The following MIR2052HG variants were observed in gnomAD, a reference collection of about 807,000 sequenced individuals.
The protein encoded by MIR2052HG is MIR2052 host gene.
chr8:74,673,018 A>T (rs1303641915), intron 2 of MIR2052HG, among the ~76,000 whole-genome samples: 1 of 152,106 alleles, frequency 6.6e-6, no homozygotes, highest in Non-Finnish European at 1.5e-5. Context: ...TGCAAGATGA[A>T]TGAGACCTTC....
At chr8:74,623,570 A>T (rs1428966300) in intron 2 of MIR2052HG, among the ~76,000 whole-genome samples, 1 of 152,240 alleles carries the variant, frequency 6.6e-6, no homozygotes, top group Non-Finnish European at 1.5e-5. Flanking sequence ...TCATTATTAA[A>T]AAGGTCTTTT....
intron 2 of MIR2052HG, among the ~76,000 whole-genome samples, chr8:74,701,787 A>G (rs1290096319): frequency 1.3e-5 from 2 of 152,150 alleles, no homozygotes; most frequent in East Asian, 1.9e-4. Flanking sequence ...GCTTGGCACC[A>G]GAAAGTCAAT....
chr8:74,692,801 G>A (rs1809252474), intron 2 of MIR2052HG, among the ~76,000 whole-genome samples: 1 of 152,158 alleles, frequency 6.6e-6, no homozygotes, highest in African/African-American at 2.4e-5. Context: ...ATGCTTTTCT[G>A]CCCATATTTC....
chr8:74,605,305 G>A (rs1379427156), intron 1 of MIR2052HG, among the ~76,000 whole-genome samples: 2 of 152,192 alleles, frequency 1.3e-5, no homozygotes, highest in African/African-American at 4.8e-5. Flanking sequence ...GAGGAACTTT[G>A]TAATCTGACT....
At chr8:74,636,722 A>G (rs1808585586) in intron 2 of MIR2052HG, among the ~76,000 whole-genome samples, 1 of 152,126 alleles carries the variant, frequency 6.6e-6, no homozygotes, top group Non-Finnish European at 1.5e-5. Flanking sequence ...GCACACTGAG[A>G]GCAGCACATT....
intron 2 of MIR2052HG, among the ~76,000 whole-genome samples, chr8:74,698,779 T>TG (rs1328332779): frequency 1.3e-5 from 2 of 151,962 alleles, no homozygotes; most frequent in Admixed American, 1.3e-4. Flanking sequence ...CAGTGCCTCT[T>TG]AGGGGGTGGG....
intron 2 of MIR2052HG, among the ~76,000 whole-genome samples, chr8:74,630,528 G>GA (rs200428495): frequency 0.044 from 5,519 of 125,998 alleles, 377 homozygotes; most frequent in African/African-American, 0.14. Flanking sequence ...AGATTTCTCT[G>GA]AAAAAAAAAA....
intron 2 of MIR2052HG, among the ~76,000 whole-genome samples, chr8:74,656,788 A>G (rs1464794561): frequency 6.6e-6 from 1 of 152,182 alleles, no homozygotes; most frequent in Non-Finnish European, 1.5e-5. Flanking sequence ...GAGGGAGAAT[A>G]TATAAGCAAA....
intron 5 of MIR2052HG, among the ~76,000 whole-genome samples, chr8:74,755,874 T>G (rs546896894): frequency 6.6e-6 from 1 of 152,268 alleles, no homozygotes; most frequent in East Asian, 1.9e-4. Flanking sequence ...TGGGTACTGA[T>G]CTGAGCCCCT....
chr8:74,608,381 A>G (rs991356591), intron 1 of MIR2052HG, among the ~76,000 whole-genome samples: 2 of 152,240 alleles, frequency 1.3e-5, no homozygotes, highest in Admixed American at 1.3e-4. Flanking sequence ...TTCTTTAACA[A>G]CTGGGTTACT....
At chr8:74,662,858 TTGTGTGTGTGTGTG>T (rs68089808) in intron 2 of MIR2052HG, among the ~76,000 whole-genome samples, 5 of 144,198 alleles carry the variant, frequency 3.5e-5, no homozygotes, top group African/African-American at 1.0e-4. Flanking sequence ...AATGACTCAT[TTGTGTGTGTGTGTG>T]TGTGTGTGTG....
intron 2 of MIR2052HG, among the ~76,000 whole-genome samples, chr8:74,618,144 A>C (rs567974924): frequency 1.3e-5 from 2 of 152,332 alleles, no homozygotes; most frequent in South Asian, 4.1e-4. Flanking sequence ...CGCTTTAAGC[A>C]CTATTTAGAA....
chr8:74,736,461 C>A (rs922915510), intron 4 of MIR2052HG, among the ~76,000 whole-genome samples: 2 of 152,056 alleles, frequency 1.3e-5, no homozygotes, highest in African/African-American at 4.8e-5. Context: ...TTGTGCAAAG[C>A]CTTGTAGCAA....
At chr8:74,749,400 T>TA (rs397968997) in intron 4 of MIR2052HG, among the ~76,000 whole-genome samples, 1,994 of 143,848 alleles carry the variant, frequency 0.014, 30 homozygotes, top group African/African-American at 0.047. Context: ...ATCACCAAGT[T>TA]AAAAAAAAAA....
In MIR2052HG at chr8:74,603,149, A is replaced by G. The variant is rs1253024095; in HGVS notation, n.128+3241A>G. On this transcript the variant is annotated intron_variant and non_coding_transcript_variant, in intron 1 of 6. Coordinates refer to ENST00000523442, the Ensembl canonical transcript of MIR2052HG. ...AAAACACTTTAAGTAAAAAATCACG[A>G]GTGGATGATAAAGTGTGTAGAAACT... 8 of 692,638 alleles carry G rather than the reference A, an allele frequency of 1.2e-5. No homozygotes were observed. In the East Asian group the frequency reaches 2.2e-4, roughly 19 times the overall value. 42.9% of individuals were successfully genotyped at this position (692,638 alleles called of 1,614,324 possible). A position where few individuals can be genotyped will look rare whatever the true frequency, so the allele number is the denominator to read the frequency against.
chr8:74,732,895 G>A (rs1031755937), intron 4 of MIR2052HG, among the ~76,000 whole-genome samples: 6 of 152,090 alleles, frequency 3.9e-5, no homozygotes, highest in African/African-American at 1.2e-4. Context: ...TGACTTGTAG[G>A]CTTGGGTAGG....
intron 2 of MIR2052HG, among the ~76,000 whole-genome samples, chr8:74,673,543 A>T (rs1397297444): frequency 1.3e-5 from 2 of 152,012 alleles, no homozygotes; most frequent in Non-Finnish European, 1.5e-5. Flanking sequence ...ACTGAAATGG[A>T]GGTAAATATC....
intron 2 of MIR2052HG, among the ~76,000 whole-genome samples, chr8:74,614,534 A>G (rs958488655): frequency 6.6e-6 from 1 of 151,966 alleles, no homozygotes; most frequent in African/African-American, 2.4e-5. Context: ...ATGCTTATTA[A>G]ATTCTTTTAT....
At chr8:74,609,176 G>A (rs1221126236) in intron 1 of MIR2052HG, among the ~76,000 whole-genome samples, 1 of 151,924 alleles carries the variant, frequency 6.6e-6, no homozygotes, top group African/African-American at 2.4e-5. Context: ...CTTAAAATAT[G>A]TGAATAAATT....
Sources: gnomAD v4.1 joint callset for allele counts (sites outside exome capture counted in the v4.1 genomes callset) on GRCh38, gnomAD v4.1.1 for gene constraint, MANE v1.5 for transcripts, NCBI Gene and HGNC (gene_info 2026-07-23, HGNC 2026-07-21) for gene names.